Variants in SULF1 observed in about 807,000 individuals in gnomAD.
The protein encoded by SULF1 is sulfatase 1, also known as extracellular sulfatase Sulf-1.
In SULF1, 46 loss-of-function variants were observed where a neutral mutation model predicts 110.5. That is an observed-to-expected ratio of 0.42 (90% CI 0.33 to 0.53). The LOEUF is 0.53. Ranked by LOEUF, SULF1 falls within the 20% of genes least tolerant of loss-of-function variation. The pLI, the probability that SULF1 is intolerant of heterozygous loss-of-function variation, is 0.12. For synonymous variants in SULF1, 371 were observed against 387.1 expected (o/e 0.96, Z 0.49); for missense variants, 941 against 1,094.2 (o/e 0.86, Z 1.98).
chr8:69,538,590 G>A (rs1433728231), intron 3 of SULF1, among the ~76,000 whole-genome samples: 1 of 152,130 alleles, frequency 6.6e-6, no homozygotes, highest in African/African-American at 2.4e-5. Flanking sequence ...AAAGTGCAGG[G>A]CAAAAATTAG....
chr8:69,587,486 C>T (rs1806553403), intron 7 of SULF1, among the ~76,000 whole-genome samples: 1 of 152,174 alleles, frequency 6.6e-6, no homozygotes, highest in South Asian at 2.1e-4. Flanking sequence ...ACAATGAATG[C>T]AAATGAATTC....
At chr8:69,555,758 C>T (rs945537908) in intron 3 of SULF1, among the ~76,000 whole-genome samples, 3 of 151,940 alleles carry the variant, frequency 2.0e-5, no homozygotes, top group Admixed American at 6.5e-5. Flanking sequence ...GATAGTATTT[C>T]GAGAAATGAT....
Position 69,659,301 on chromosome 8 carries a change from C to G in SULF1, c.*766C>G, listed in dbSNP as rs1812961657. On this transcript the variant is annotated 3_prime_UTR_variant, in exon 23 of 23. Coordinates refer to ENST00000402687, the MANE Select transcript of SULF1 (RefSeq NM_001128205.2). Reference sequence around the variant, plus strand: ...CACAGCACCTAGAAGGCAGCGCCTCCTCTTCACTCTCCTCTGATTAGATGA... The same window carrying G: ...CACAGCACCTAGAAGGCAGCGCCTCGTCTTCACTCTCCTCTGATTAGATGA... 2.4e-6 allele frequency: 1 copy of G among 417,998 alleles called. No individual in the cohort carries two copies. The highest frequency in any genetic ancestry group is 1.8e-5 in the South Asian group (1 of 56,998). 25.9% of individuals were successfully genotyped at this position (417,998 alleles called of 1,614,324 possible).
chr8:69,553,158 T>C (rs563908035), intron 3 of SULF1, among the ~76,000 whole-genome samples: 1 of 152,366 alleles, frequency 6.6e-6, no homozygotes, highest in African/African-American at 2.4e-5. Flanking sequence ...ATCTCTTCCC[T>C]GAAGCCATAT....
chr8:69,468,463 T>C (rs1403068411), intron 1 of SULF1, among the ~76,000 whole-genome samples: 8 of 152,246 alleles, frequency 5.3e-5, no homozygotes, highest in Non-Finnish European at 4.4e-5. Context: ...CTTTAATTTT[T>C]ATTCAAAATG....
intron 15 of SULF1, chr8:69,625,851 A>G (rs542355305): frequency 6.6e-6 from 1 of 152,346 alleles, no homozygotes; most frequent in Admixed American, 6.5e-5. Flanking sequence ...GGCCCCACCC[A>G]CATCCTGCTG....
In SULF1 at chr8:69,640,096, G is replaced by GGA. The variant is rs369857055; in HGVS notation, c.2552-698_2552-697dup. 5.9e-3 allele frequency among the ~76,000 whole-genome samples: 870 copies of GGA among 147,212 alleles called. 12 individuals are homozygous for GGA. Among genetic ancestry groups the GGA allele is most frequent in the African/African-American group, 0.02 (785 of 39,694 alleles). On this transcript the variant is annotated intron_variant, in intron 21 of 22. Coordinates refer to ENST00000402687, the MANE Select transcript of SULF1 (RefSeq NM_001128205.2). Reference sequence around the variant, plus strand: ...AAAAGAGAGAGAGAGAGGGAGGGAGGGAGAGAGAGAGAGAGGAAGGAAGAA... The same window carrying GGA: ...AAAAGAGAGAGAGAGAGGGAGGGAGGGAGAGAGAGAGAGAGAGGAAGGAAGAA...
At chr8:69,536,852 G>A (rs1240762347) in intron 3 of SULF1, among the ~76,000 whole-genome samples, 1 of 152,126 alleles carries the variant, frequency 6.6e-6, no homozygotes, top group Admixed American at 6.6e-5. Context: ...ATCATCGAAA[G>A]CCATGTTCCT....
intron 1 of SULF1, among the ~76,000 whole-genome samples, chr8:69,493,384 A>G (rs140375077): frequency 6.1e-4 from 93 of 151,614 alleles, no homozygotes; most frequent in African/African-American, 2.2e-3. Flanking sequence ...GAAATTGGCC[A>G]CTTTCACAGC....
chr8:69,517,907 A>T (rs767666188), intron 3 of SULF1, among the ~76,000 whole-genome samples: 8 of 152,234 alleles, frequency 5.3e-5, no homozygotes, highest in Non-Finnish European at 1.2e-4. Flanking sequence ...AAGGAAGAAA[A>T]ATAATAAATG....
chr8:69,553,227 T>G (rs1814856808), intron 3 of SULF1, among the ~76,000 whole-genome samples: 1 of 152,248 alleles, frequency 6.6e-6, no homozygotes, highest in Non-Finnish European at 1.5e-5. Flanking sequence ...TTTTTGATGA[T>G]TTCACAAAAA....
chr8:69,558,865 A>T (rs1815291268), intron 3 of SULF1, among the ~76,000 whole-genome samples: 1 of 152,208 alleles, frequency 6.6e-6, no homozygotes, highest in Non-Finnish European at 1.5e-5. Flanking sequence ...GAAAATTTTC[A>T]AATATTTGAT....
Position 69,658,558 on chromosome 8 carries a change from A to G in SULF1, c.*23A>G. ...TAATCAGCCCCGTCTCACTGCAGAC[A>G]TCAACTGGCAAGGCCTAGAGGAGCT... On this transcript the variant is annotated 3_prime_UTR_variant, in exon 23 of 23. Coordinates refer to ENST00000402687, the MANE Select transcript of SULF1 (RefSeq NM_001128205.2). 6.2e-7 allele frequency: 1 copy of G among 1,605,450 alleles called. No individual in the cohort carries two copies. The highest frequency in any genetic ancestry group is 8.5e-7 in the Non-Finnish European group (1 of 1,172,088).
intron 8 of SULF1, among the ~76,000 whole-genome samples, chr8:69,596,248 G>A (rs1335336118): frequency 6.6e-6 from 1 of 152,000 alleles, no homozygotes; most frequent in East Asian, 1.9e-4. Flanking sequence ...ACTGGGTGAA[G>A]CCCTTATCTA....
intron 6 of SULF1, 54 bp downstream of exon 6, chr8:69,576,263 G>A: frequency 6.4e-7 from 1 of 1,554,672 alleles, no homozygotes. Context: ...CTTAGACTCA[G>A]GAAGAAGTGT....
intron 8 of SULF1, among the ~76,000 whole-genome samples, chr8:69,598,817 G>C (rs1346406319): frequency 2.0e-5 from 3 of 152,132 alleles, no homozygotes; most frequent in African/African-American, 7.2e-5. Flanking sequence ...ATACTTCTGA[G>C]CATAACTGAG....
At chr8:69,476,780 G>C (rs1809316600) in intron 1 of SULF1, among the ~76,000 whole-genome samples, 1 of 152,202 alleles carries the variant, frequency 6.6e-6, no homozygotes. Flanking sequence ...ACATGAGCCA[G>C]TTTATATTTG....
chr8:69,505,072 G>GA (rs1394965204), intron 3 of SULF1, among the ~76,000 whole-genome samples: 1 of 152,182 alleles, frequency 6.6e-6, no homozygotes, highest in Non-Finnish European at 1.5e-5. Flanking sequence ...TAACCCAAGA[G>GA]AAAGTTCAAG....
At chr8:69,612,828 C>A (rs1000449454) in intron 13 of SULF1, among the ~76,000 whole-genome samples, 2 of 152,166 alleles carry the variant, frequency 1.3e-5, no homozygotes, top group Non-Finnish European at 2.9e-5. Flanking sequence ...CTGATTATTT[C>A]TTTTGCTGCG....
Sources: allele counts gnomAD v4.1 joint callset (sites outside exome capture counted in the v4.1 genomes callset), GRCh38; gene constraint gnomAD v4.1.1; transcripts MANE v1.5; gene names NCBI Gene and HGNC (gene_info 2026-07-23, HGNC 2026-07-21).